SLC35F3: variants seen among roughly 807,000 people sequenced by gnomAD.
The protein encoded by SLC35F3 is solute carrier family 35 member F3, also known as putative thiamine transporter SLC35F3.
Under a neutral mutation model 49.9 loss-of-function variants are expected in SLC35F3, and 25 were observed. That is an observed-to-expected ratio of 0.50 (90% CI 0.37 to 0.70). SLC35F3 has a LOEUF of 0.70. SLC35F3 is among the 30% of genes least tolerant of loss of function. The pLI is 0.00. For missense variants in SLC35F3, 525 were observed against 639.8 expected, an observed-to-expected ratio of 0.82 and a Z score of 1.94; for synonymous variants, 275 against 265.4, an observed-to-expected ratio of 1.04 and a Z score of -0.35.
chr1:233,968,055 G>A (rs1318171785), intron 2 of SLC35F3, among the ~76,000 whole-genome samples: 8 of 152,186 alleles, frequency 5.3e-5, no homozygotes, highest in Non-Finnish European at 8.8e-5. Context: ...CCCAGATGGA[G>A]GGATCTGCAC....
chr1:234,321,949 G>T (rs1166648358), intron 7 of SLC35F3, among the ~76,000 whole-genome samples: 1 of 152,148 alleles, frequency 6.6e-6, no homozygotes, highest in Non-Finnish European at 1.5e-5. Flanking sequence ...GGGAGGCCAA[G>T]GTGGGAGGAT....
At chr1:234,011,666 G>A (rs1046480159) in intron 2 of SLC35F3, among the ~76,000 whole-genome samples, 6 of 152,138 alleles carry the variant, frequency 3.9e-5, no homozygotes, top group African/African-American at 7.2e-5. Context: ...GAAAATCCAC[G>A]TAGACATGGA....
At chr1:233,914,249 G>A (rs895720624) in intron 2 of SLC35F3, among the ~76,000 whole-genome samples, 5 of 152,126 alleles carry the variant, frequency 3.3e-5, no homozygotes, top group Non-Finnish European at 7.4e-5. Context: ...CTGACAGAGC[G>A]GTCTATTGAG....
intron 3 of SLC35F3, among the ~76,000 whole-genome samples, chr1:234,299,902 A>G (rs1201604243): frequency 6.6e-6 from 1 of 152,028 alleles, no homozygotes; most frequent in Non-Finnish European, 1.5e-5. Context: ...AACTTTTTAA[A>G]AGAGAGAAAG....
At chr1:233,945,956 C>T (rs1176645096) in intron 2 of SLC35F3, among the ~76,000 whole-genome samples, 1 of 152,238 alleles carries the variant, frequency 6.6e-6, no homozygotes, top group Non-Finnish European at 1.5e-5. Flanking sequence ...AAAGCTACCA[C>T]TTTGGGGCCA....
At chr1:234,077,296 G>A (rs925121505) in intron 2 of SLC35F3, among the ~76,000 whole-genome samples, 5 of 152,146 alleles carry the variant, frequency 3.3e-5, no homozygotes, top group African/African-American at 7.2e-5. Flanking sequence ...GAGCCACCGC[G>A]CCCGGCCAAG....
At chr1:234,299,546 C>T (rs1357291353) in intron 3 of SLC35F3, among the ~76,000 whole-genome samples, 1 of 152,114 alleles carries the variant, frequency 6.6e-6, no homozygotes, top group Non-Finnish European at 1.5e-5. Flanking sequence ...TGGCTCACAC[C>T]TGTAATCCCA....
intron 2 of SLC35F3, among the ~76,000 whole-genome samples, chr1:233,983,438 A>G (rs1663217230): frequency 6.6e-6 from 1 of 152,228 alleles, no homozygotes; most frequent in African/African-American, 2.4e-5. Context: ...GTAATTTCAT[A>G]AAACATCTAC....
rs530787441 is a variant in SLC35F3 at position 234,117,547 on chromosome 1, G to A, written c.284-113870G>A. Reference sequence around the variant, plus strand: ...ATGGAGGTTGCAGTGAGCCGAGATCGCACCATTGCACTCCAGCCTGGGTGA... The same window carrying A: ...ATGGAGGTTGCAGTGAGCCGAGATCACACCATTGCACTCCAGCCTGGGTGA... On this transcript the variant is annotated intron_variant, in intron 2 of 7. Coordinates refer to ENST00000366618, the MANE Select transcript of SLC35F3 (RefSeq NM_173508.4). Among the ~76,000 whole-genome samples the A allele has an allele frequency of 1.5e-4, 22 of 150,280 alleles. No individual in the cohort carries two copies. The East Asian group carries it at 3.2e-3, about 22-fold the overall frequency.
intron 2 of SLC35F3, among the ~76,000 whole-genome samples, chr1:234,086,960 T>C (rs942385038): frequency 1.8e-4 from 28 of 152,240 alleles, no homozygotes; most frequent in Admixed American, 6.5e-5. Context: ...GTATAATAAA[T>C]TGCCTCTCTC....
chr1:233,931,853 T>C (rs1427356741), intron 2 of SLC35F3, among the ~76,000 whole-genome samples: 2 of 152,168 alleles, frequency 1.3e-5, no homozygotes, highest in Admixed American at 6.5e-5. Context: ...CGTATGTTTA[T>C]TGCAGCACTA....
chr1:234,025,787 T>C (rs1160536811), intron 2 of SLC35F3, among the ~76,000 whole-genome samples: 1 of 152,240 alleles, frequency 6.6e-6, no homozygotes, highest in Non-Finnish European at 1.5e-5. Flanking sequence ...GTTGATAGTT[T>C]CTTTTGCTGT....
chr1:234,148,825 A>G (rs6681248), intron 2 of SLC35F3, among the ~76,000 whole-genome samples: 10,488 of 152,220 alleles, frequency 0.069, 589 homozygotes, highest in African/African-American at 0.14. Flanking sequence ...GACAGAATGT[A>G]CTGATGAACT....
At chr1:234,062,239 C>G (rs1382875837) in intron 2 of SLC35F3, among the ~76,000 whole-genome samples, 1 of 152,150 alleles carries the variant, frequency 6.6e-6, no homozygotes, top group Non-Finnish European at 1.5e-5. Flanking sequence ...CCTGAAGTTT[C>G]TGATGTTATT....
At chr1:234,089,657 G>C (rs1665011660) in intron 2 of SLC35F3, among the ~76,000 whole-genome samples, 1 of 152,174 alleles carries the variant, frequency 6.6e-6, no homozygotes, top group South Asian at 2.1e-4. Flanking sequence ...AATATGCACA[G>C]GGCTTTTTAG....
At chr1:233,958,626 G>A (rs1440617610) in intron 2 of SLC35F3, among the ~76,000 whole-genome samples, 1 of 152,218 alleles carries the variant, frequency 6.6e-6, no homozygotes, top group Non-Finnish European at 1.5e-5. Context: ...AGGATGTGTT[G>A]TGAGAGATAA....
chr1:234,065,616 G>A (rs1172719334), intron 2 of SLC35F3, among the ~76,000 whole-genome samples: 2 of 152,122 alleles, frequency 1.3e-5, no homozygotes, highest in African/African-American at 2.4e-5. Context: ...TCTGCCACGA[G>A]CGCTATGAGA....
chr1:234,013,528 GA>G (rs772605255), intron 2 of SLC35F3, among the ~76,000 whole-genome samples: 1,466 of 142,246 alleles, frequency 0.01, 14 homozygotes, highest in Non-Finnish European at 0.013. Flanking sequence ...AAAAACAATA[GA>G]AAAAAAAAAC....
intron 2 of SLC35F3, among the ~76,000 whole-genome samples, chr1:234,140,686 A>G (rs1328179963): frequency 6.6e-6 from 1 of 152,214 alleles, no homozygotes; most frequent in African/African-American, 2.4e-5. Flanking sequence ...CATAATAAAA[A>G]TTCGGCAATG....
Sources: gnomAD v4.1 joint callset for allele counts (sites outside exome capture counted in the v4.1 genomes callset) on GRCh38, gnomAD v4.1.1 for gene constraint, MANE v1.5 for transcripts, NCBI Gene and HGNC (gene_info 2026-07-23, HGNC 2026-07-21) for gene names.